ARSF: variants seen among roughly 807,000 people sequenced by gnomAD.
The protein encoded by ARSF is arylsulfatase F.
In ARSF, 33 loss-of-function variants were observed where a neutral mutation model predicts 35.4. The observed-to-expected ratio is 0.93, with a 90% CI of 0.71 to 1.25. ARSF has a LOEUF of 1.25. ARSF is among the 50% of genes most tolerant of loss of function. The pLI is 0.00. For missense variants in ARSF, 501 were observed against 480.2 expected (o/e 1.04, Z -0.40); for synonymous variants, 222 against 193.1 (o/e 1.15, Z -1.24).
intron 3 of ARSF, 23 bp downstream of exon 3, chrX:3,072,198 C>G: frequency 8.3e-7 from 1 of 1,198,854 alleles, no homozygotes; most frequent in Non-Finnish European, 1.1e-6. Flanking sequence ...CATGGCCAGT[C>G]ATACGTTCGT....
chrX:3,073,987 C>A (rs1358423216), intron 3 of ARSF, among the ~76,000 whole-genome samples: 2 of 109,696 alleles, frequency 1.8e-5, no homozygotes, highest in African/African-American at 6.6e-5. Flanking sequence ...AGGAGTACAT[C>A]GTTATCAGAC....
At position 3,112,170 on chromosome X, in the gene ARSF, CCAGGTGGGT is replaced by C; in HGVS notation, c.1391_1399del (p.Ser464_Val467delinsIle). 1 of 1,196,862 alleles carries C rather than the reference CCAGGTGGGT, an allele frequency of 8.4e-7. No individual in the cohort carries two copies. Among genetic ancestry groups the C allele is most frequent in the East Asian group, 3.0e-5 (1 of 33,750 alleles). On this transcript the variant is annotated splice_acceptor_variant and splice_polypyrimidine_tract_variant and coding_sequence_variant and intron_variant, in exon 11 of 11. Coordinates refer to ENST00000381127, the MANE Select transcript of ARSF (RefSeq NM_001201539.2). LOFTEE classifies it high-confidence loss of function. ...ATTTGACGAGTCTCTCTTTTCTCCT[CCAGGTGGGT>C]CAGTTTGGAAGGCTCACTATGTGAC...
At chrX:3,111,412 G>A (rs112429625) in intron 10 of ARSF, among the ~76,000 whole-genome samples, 4,767 of 111,265 alleles carry the variant, frequency 0.043, 261 homozygotes, top group African/African-American at 0.15. Flanking sequence ...TTTGAGATAG[G>A]CAATGCATAG....
At chrX:3,053,273 A>G (rs1311867601) in intron 1 of ARSF, among the ~76,000 whole-genome samples, 3 of 110,341 alleles carry the variant, frequency 2.7e-5, no homozygotes, top group African/African-American at 9.9e-5. Flanking sequence ...GTACATTGAG[A>G]GATCATTTCT....
chrX:3,068,046 A>G, intron 1 of ARSF, 27 bp from the exon 2 acceptor site: 1 of 1,063,946 alleles, frequency 9.4e-7, no homozygotes, highest in Admixed American at 3.2e-5. Flanking sequence ...TTGGTCTTTT[A>G]AATCACGTCT....
chrX:3,098,040 C>A (rs903594862), intron 7 of ARSF, among the ~76,000 whole-genome samples: 3 of 52,941 alleles, frequency 5.7e-5, no homozygotes, highest in Non-Finnish European at 9.6e-5. Context: ...TATACACATA[C>A]ACACACAACA....
chrX:3,079,379 C>T (rs1387526492), intron 4 of ARSF, among the ~76,000 whole-genome samples: 2 of 87,141 alleles, frequency 2.3e-5, no homozygotes, highest in East Asian at 7.7e-4. Flanking sequence ...GAGTTTCACT[C>T]TTGTTGCCCA....
intron 1 of ARSF, among the ~76,000 whole-genome samples, chrX:3,049,811 G>A (rs1238510518): frequency 9.0e-6 from 1 of 111,118 alleles, no homozygotes; most frequent in Non-Finnish European, 1.9e-5. Flanking sequence ...GAGTCAAAGG[G>A]CTCATGCCAG....
intron 2 of ARSF, among the ~76,000 whole-genome samples, chrX:3,071,457 C>A (rs926795210): frequency 5.4e-5 from 6 of 110,418 alleles, no homozygotes; most frequent in Non-Finnish European, 1.1e-4. Flanking sequence ...GAGTGTGCCA[C>A]TACACTCGGC....
At chrX:3,063,033 A>C (rs1283389047) in intron 1 of ARSF, among the ~76,000 whole-genome samples, 2 of 112,139 alleles carry the variant, frequency 1.8e-5, no homozygotes, top group Non-Finnish European at 3.8e-5. Context: ...ATCCCTGATG[A>C]ACATCAGTGC....
At position 3,101,128 on chromosome X, in the gene ARSF, A is replaced by G. The variant is rs1448557779; in HGVS notation, c.1009A>G (p.Asn337Asp). Residue 337 changes from asparagine (N) to aspartate (D), a missense_variant, in exon 8 of 11, where the codon AAC (asparagine) becomes GAC (aspartate). Asn to Asp is a conservative substitution (Grantham distance 23). Transcript: ENST00000381127. Reference protein sequence around the residue: ...DAIDDFGLRNNTLVYFTSDHG... With the variant: ...DAIDDFGLRNDTLVYFTSDHG... Reference sequence around the variant, plus strand: ...TATCGATGATTTTGGCCTAAGGAACAACACCCTTGTCTACTTTACATCAGA... The same window carrying G: ...TATCGATGATTTTGGCCTAAGGAACGACACCCTTGTCTACTTTACATCAGA... 3.3e-6 allele frequency: 4 copies of G among 1,208,893 alleles called. No individual in the cohort carries two copies. The African/African-American group carries it at 7.0e-5, about 21-fold the overall frequency.
chrX:3,088,804 G>A (rs972479170), intron 6 of ARSF, among the ~76,000 whole-genome samples: 2 of 111,130 alleles, frequency 1.8e-5, no homozygotes, highest in South Asian at 3.9e-4. Flanking sequence ...CAGGTGATCC[G>A]CCATCTTCAG....
chrX:3,049,474 C>T (rs1380725822), intron 1 of ARSF, among the ~76,000 whole-genome samples: 6 of 112,110 alleles, frequency 5.4e-5, no homozygotes, highest in African/African-American at 1.9e-4. Flanking sequence ...CTGACTTTCA[C>T]TTCTGTCTCT....
At chrX:3,043,016 A>G (rs1269356915) in intron 1 of ARSF, among the ~76,000 whole-genome samples, 8 of 109,714 alleles carry the variant, frequency 7.3e-5, no homozygotes, top group Admixed American at 3.9e-4. Context: ...TTAGTCAGGC[A>G]TGGTGGCATG....
intron 1 of ARSF, among the ~76,000 whole-genome samples, chrX:3,062,461 G>A (rs1366497359): frequency 1.8e-5 from 2 of 111,343 alleles, no homozygotes; most frequent in African/African-American, 6.5e-5. Context: ...TCAGGGCAGA[G>A]CTGAAGGAGA....
At chrX:3,060,401 C>G (rs1052334183) in intron 1 of ARSF, among the ~76,000 whole-genome samples, 1 of 112,010 alleles carries the variant, frequency 8.9e-6, no homozygotes, top group East Asian at 2.8e-4. Flanking sequence ...CAGAGTGCCT[C>G]TTCTCCTCCA....
Position 3,112,271 on chromosome X carries a change from A to T in ARSF, c.1488A>T (p.Glu496Asp). The change falls in exon 11 of 11, where the codon GAA (glutamate) becomes GAT (aspartate). Residue 496 changes from glutamate (E) to aspartate (D), a missense_variant. Physicochemically the swap from Glu to Asp is conservative, Grantham distance 45. Coordinates refer to ENST00000381127, the MANE Select transcript of ARSF (RefSeq NM_001201539.2). ...CCTCATTATGCAGATGTTTCGGAGAACAGGTTACCTACCACAACCCCCCTC... is the reference window on the plus strand; with the variant it reads ...CCTCATTATGCAGATGTTTCGGAGATCAGGTTACCTACCACAACCCCCCTC... ...YVTSLCRCFG[E>D]QVTYHNPPLL... 8.3e-7 allele frequency: 1 copy of T among 1,210,702 alleles called. No individual in the cohort carries two copies. The highest frequency in any genetic ancestry group is 1.1e-6 in the Non-Finnish European group (1 of 894,996).
intron 9 of ARSF, 89 bp downstream of exon 9, chrX:3,104,013 GCAGACC>G: frequency 1.0e-6 from 1 of 971,378 alleles, no homozygotes; most frequent in Admixed American, 2.7e-5. Context: ...CTCTATCCTG[GCAGACC>G]CACTTTTTCC....
At chrX:3,088,903 G>A (rs1171679296) in intron 6 of ARSF, among the ~76,000 whole-genome samples, 3 of 110,733 alleles carry the variant, frequency 2.7e-5, no homozygotes, top group Non-Finnish European at 5.7e-5. Flanking sequence ...GATTTTTTAG[G>A]GGAATCATGG....
Sources: allele counts gnomAD v4.1 joint callset (sites outside exome capture counted in the v4.1 genomes callset), GRCh38; gene constraint gnomAD v4.1.1; transcripts MANE v1.5; gene names NCBI Gene and HGNC (gene_info 2026-07-23, HGNC 2026-07-21).